Variants in TBC1D22A observed in about 807,000 individuals in gnomAD.
The protein encoded by TBC1D22A is putative GTPase activator.
Under a neutral mutation model 60.2 loss-of-function variants are expected in TBC1D22A, and 38 were observed. The ratio of observed to expected loss-of-function variants is 0.63; its 90% CI spans 0.49 to 0.83. TBC1D22A has a LOEUF of 0.83. TBC1D22A is among the 40% of genes least tolerant of loss of function. The pLI is 0.00. For synonymous variants in TBC1D22A, 302 were observed against 281.7 expected (o/e 1.07, Z -0.72); for missense variants, 628 against 701.0 (o/e 0.90, Z 1.18).
At chr22:47,156,425 C>A (rs560445238) in intron 12 of TBC1D22A, among the ~76,000 whole-genome samples, 1 of 152,296 alleles carries the variant, frequency 6.6e-6, no homozygotes, top group South Asian at 2.1e-4. Context: ...TGCCACGGGC[C>A]GGCTGCTTGA....
At chr22:47,117,228 C>T (rs1281153275) in intron 12 of TBC1D22A, 2 of 167,062 alleles carry the variant, frequency 1.2e-5, no homozygotes, top group Non-Finnish European at 1.3e-5. Context: ...GGCAGGATGG[C>T]GCATGGAGGA....
At chr22:47,124,208 G>A (rs1458405252) in intron 12 of TBC1D22A, among the ~76,000 whole-genome samples, 1 of 152,210 alleles carries the variant, frequency 6.6e-6, no homozygotes, top group Non-Finnish European at 1.5e-5. Flanking sequence ...CGCTGCCCTT[G>A]TGTTTTAGCA....
At chr22:46,845,896 C>T (rs1021093084) in intron 4 of TBC1D22A, among the ~76,000 whole-genome samples, 1 of 152,200 alleles carries the variant, frequency 6.6e-6, no homozygotes, top group Non-Finnish European at 1.5e-5. Context: ...GGAACCGCGG[C>T]GAGCCGATTC....
chr22:46,978,066 T>G (rs1462336995), intron 9 of TBC1D22A, among the ~76,000 whole-genome samples: 5 of 152,240 alleles, frequency 3.3e-5, no homozygotes, highest in Non-Finnish European at 5.9e-5. Flanking sequence ...CTCCACTGGC[T>G]GGAGGGAATT....
At chr22:46,883,674 C>T (rs1037390188) in intron 5 of TBC1D22A, among the ~76,000 whole-genome samples, 2 of 152,196 alleles carry the variant, frequency 1.3e-5, no homozygotes, top group Non-Finnish European at 2.9e-5. Context: ...GCCTACACCA[C>T]GGCCTAGCTG....
At position 46,809,056 on chromosome 22, in the gene TBC1D22A, A is replaced by G. The variant is rs546256951; in HGVS notation, c.637+11436A>G. Among the ~76,000 whole-genome samples the G allele has an allele frequency of 2.1e-4, 32 of 152,298 alleles. 1 individual carries two copies. In the South Asian group the frequency reaches 6.6e-3, roughly 32 times the overall value. ...ATCTAAAGAATAGGTTAGTGTATTA[A>G]TTTGCCTGGGCTGCCATAAGAAAAT... On this transcript the variant is annotated intron_variant, in intron 4 of 12. Transcript: ENST00000337137.
In TBC1D22A at chr22:46,944,269, A is replaced by G. The variant is rs147299298; in HGVS notation, c.1016-30021A>G. Among the ~76,000 whole-genome samples the G allele has an allele frequency of 1.5e-3, 221 of 151,998 alleles. 1 individual carries two copies. Among genetic ancestry groups the G allele is most frequent in the Middle Eastern group, 0.014 (4 of 294 alleles). The stretch of plus-strand genomic sequence containing the variant: ...GGTAGCTTGTTGTGTTTCTGTTTGT[A>G]TTTCCTGGATGATTACTAATGTGTT... On this transcript the variant is annotated intron_variant, in intron 8 of 12. Coordinates refer to ENST00000337137, the MANE Select transcript of TBC1D22A (RefSeq NM_014346.5).
At chr22:46,825,672 C>T (rs2086022959) in intron 4 of TBC1D22A, among the ~76,000 whole-genome samples, 1 of 151,896 alleles carries the variant, frequency 6.6e-6, no homozygotes, top group South Asian at 2.1e-4. Context: ...CGGGGTTTTG[C>T]CATGTTGGCC....
intron 11 of TBC1D22A, among the ~76,000 whole-genome samples, chr22:47,090,072 C>A (rs2064856766): frequency 6.6e-6 from 1 of 152,160 alleles, no homozygotes; most frequent in African/African-American, 2.4e-5. Context: ...CGGTCCCGTG[C>A]TAGGTCTGTG....
chr22:46,862,000 A>G (rs1467971407), intron 4 of TBC1D22A, among the ~76,000 whole-genome samples: 1 of 152,096 alleles, frequency 6.6e-6, no homozygotes, highest in African/African-American at 2.4e-5. Flanking sequence ...GGGCCTCTGT[A>G]TGGCCTCCCT....
intron 11 of TBC1D22A, 142 bp downstream of exon 11, chr22:47,037,340 A>G (rs2062689105): frequency 2.4e-6 from 3 of 1,268,072 alleles, no homozygotes; most frequent in African/African-American, 1.5e-5. Flanking sequence ...TTTAAAAAGT[A>G]TACTCCTGGC....
At chr22:47,076,928 C>G (rs551674367) in intron 11 of TBC1D22A, among the ~76,000 whole-genome samples, 198 of 152,252 alleles carry the variant, frequency 1.3e-3, no homozygotes, top group African/African-American at 4.5e-3. Flanking sequence ...AGCTTGAGTT[C>G]CAGCCGTCAT....
intron 8 of TBC1D22A, among the ~76,000 whole-genome samples, chr22:46,947,428 C>T (rs191330654): frequency 7.9e-5 from 12 of 152,282 alleles, no homozygotes; most frequent in East Asian, 5.8e-4. Flanking sequence ...GACGGTTGGA[C>T]GTTTGAGACC....
chr22:47,062,155 C>G (rs2063604696), intron 11 of TBC1D22A, among the ~76,000 whole-genome samples: 2 of 149,876 alleles, frequency 1.3e-5, no homozygotes, highest in Admixed American at 6.6e-5. Flanking sequence ...TGCTGTCAGT[C>G]AGAACGCGGA....
intron 12 of TBC1D22A, among the ~76,000 whole-genome samples, chr22:47,167,008 C>G (rs2147222910): frequency 6.6e-6 from 1 of 152,286 alleles, no homozygotes; most frequent in Middle Eastern, 3.4e-3. Flanking sequence ...CAGAGCAGAC[C>G]CTATACTTCT....
intron 4 of TBC1D22A, among the ~76,000 whole-genome samples, chr22:46,855,658 G>A (rs1354880617): frequency 2.0e-5 from 3 of 152,160 alleles, no homozygotes; most frequent in Admixed American, 2.0e-4. Flanking sequence ...GTTCTAGACA[G>A]AAGCGCTCTG....
At chr22:47,042,633 G>A (rs1382126716) in intron 11 of TBC1D22A, among the ~76,000 whole-genome samples, 1 of 152,182 alleles carries the variant, frequency 6.6e-6, no homozygotes, top group East Asian at 1.9e-4. Context: ...CCAGGGGCAT[G>A]GGGCAGAGGT....
intron 11 of TBC1D22A, among the ~76,000 whole-genome samples, chr22:47,061,071 C>T (rs185817230): frequency 8.6e-5 from 13 of 151,696 alleles, no homozygotes; most frequent in South Asian, 6.3e-4. Flanking sequence ...GCCCTCACCA[C>T]GGTCCTGGAA....
chr22:46,771,024 T>A (rs2083463262), intron 1 of TBC1D22A, among the ~76,000 whole-genome samples: 1 of 152,200 alleles, frequency 6.6e-6, no homozygotes, highest in Non-Finnish European at 1.5e-5. Flanking sequence ...AGCGGTTACT[T>A]TCCATGTTAT....
Sources: gnomAD v4.1 joint callset for allele counts (sites outside exome capture counted in the v4.1 genomes callset) on GRCh38, gnomAD v4.1.1 for gene constraint, MANE v1.5 for transcripts, NCBI Gene and HGNC (gene_info 2026-07-23, HGNC 2026-07-21) for gene names.